MACROD2: variants seen among roughly 807,000 people sequenced by gnomAD.
The protein encoded by MACROD2 is ADP-ribose glycohydrolase MACROD2.
A neutral mutation model predicts 70.4 loss-of-function variants in MACROD2; 36 were observed. The observed-to-expected ratio is 0.51, with a 90% CI of 0.39 to 0.68. The LOEUF (loss-of-function observed/expected upper bound fraction) is 0.68. Among genes scored for constraint, MACROD2 ranks in the 30% least tolerant of loss-of-function variants. The pLI, the probability that MACROD2 is intolerant of heterozygous loss-of-function variation, is 0.00. For synonymous variants in MACROD2, 172 were observed against 178.8 expected, an observed-to-expected ratio of 0.96 and a Z score of 0.30; for missense variants, 496 against 538.4, an observed-to-expected ratio of 0.92 and a Z score of 0.78.
rs1555804353 is a variant in MACROD2, at chr20:15,321,088, T to TGC, written c.540+91027_540+91028insGC. 2.2e-3 allele frequency among the ~76,000 whole-genome samples: 319 copies of TGC among 146,900 alleles called. 2 individuals are homozygous for TGC. The highest frequency in any genetic ancestry group is 5.0e-3 in the South Asian group (23 of 4,580). On this transcript the variant is annotated intron_variant, in intron 6 of 17. Coordinates refer to ENST00000684519, the MANE Select transcript of MACROD2 (RefSeq NM_001351661.2). ...CCCTGGCAGCTTCTGCAAAGTTGTT[T>TGC]CAAAATGCATGCCATCCTGATGACA...
At chr20:14,271,216 C>A (rs1229990852) in intron 3 of MACROD2, among the ~76,000 whole-genome samples, 1 of 152,184 alleles carries the variant, frequency 6.6e-6, no homozygotes, top group Non-Finnish European at 1.5e-5. Flanking sequence ...CCCCTGACCC[C>A]CGAGCAGCCT....
intron 2 of MACROD2, among the ~76,000 whole-genome samples, chr20:14,070,928 A>G (rs573772485): frequency 6.6e-6 from 1 of 152,236 alleles, no homozygotes; most frequent in South Asian, 2.1e-4. Context: ...AGATCATCAA[A>G]TCTGGCTAAA....
chr20:14,661,134 T>C (rs2123534207), intron 4 of MACROD2, among the ~76,000 whole-genome samples: 1 of 152,210 alleles, frequency 6.6e-6, no homozygotes, highest in African/African-American at 2.4e-5. Flanking sequence ...CAAATGGCTT[T>C]CTACAGGGGC....
At chr20:14,840,847 T>A (rs73266744) in intron 5 of MACROD2, among the ~76,000 whole-genome samples, 75 of 152,198 alleles carry the variant, frequency 4.9e-4, no homozygotes, top group African/African-American at 1.7e-3. Context: ...GGTTTCAGGA[T>A]GAAAAATGGA....
intron 3 of MACROD2, among the ~76,000 whole-genome samples, chr20:14,299,104 A>G (rs1209856832): frequency 1.3e-5 from 2 of 152,194 alleles, no homozygotes; most frequent in Non-Finnish European, 2.9e-5. Context: ...GTGAAATGCT[A>G]TCAAACAGCA....
intron 3 of MACROD2, among the ~76,000 whole-genome samples, chr20:14,116,322 G>T (rs1428145582): frequency 6.6e-6 from 1 of 152,162 alleles, no homozygotes; most frequent in African/African-American, 2.4e-5. Context: ...CTTTCTGAGG[G>T]CAGAGACTGC....
chr20:15,289,378 A>G (rs1670719817), intron 6 of MACROD2, among the ~76,000 whole-genome samples: 1 of 152,260 alleles, frequency 6.6e-6, no homozygotes, highest in African/African-American at 2.4e-5. Flanking sequence ...AGAAACATAT[A>G]TAATGCAATG....
intron 8 of MACROD2, among the ~76,000 whole-genome samples, chr20:15,637,687 G>A (rs1374946010): frequency 2.0e-5 from 3 of 152,216 alleles, no homozygotes; most frequent in Non-Finnish European, 4.4e-5. Flanking sequence ...TTAGGGATCA[G>A]CACCTTCTGT....
At chr20:14,927,498 G>T (rs1256440641) in intron 5 of MACROD2, among the ~76,000 whole-genome samples, 1 of 152,170 alleles carries the variant, frequency 6.6e-6, no homozygotes. Flanking sequence ...ATACTCTGCC[G>T]CCATGCTTTC....
chr20:14,671,194 T>G (rs2070790702), intron 4 of MACROD2, among the ~76,000 whole-genome samples: 1 of 152,182 alleles, frequency 6.6e-6, no homozygotes, highest in African/African-American at 2.4e-5. Flanking sequence ...TTTCTTTGAT[T>G]TAGAATTTCT....
chr20:14,998,776 G>A (rs2074970735), intron 5 of MACROD2, among the ~76,000 whole-genome samples: 1 of 152,160 alleles, frequency 6.6e-6, no homozygotes, highest in South Asian at 2.1e-4. Context: ...GCAAGTACAA[G>A]AAGGTTATAG....
At chr20:14,977,048 T>G (rs940387557) in intron 5 of MACROD2, among the ~76,000 whole-genome samples, 4 of 152,300 alleles carry the variant, frequency 2.6e-5, no homozygotes, top group African/African-American at 7.2e-5. Context: ...TGTCACTTCT[T>G]GGCTGATAGA....
chr20:14,521,691 A>G (rs1381568321), intron 4 of MACROD2, among the ~76,000 whole-genome samples: 1 of 151,970 alleles, frequency 6.6e-6, no homozygotes, highest in Non-Finnish European at 1.5e-5. Flanking sequence ...AGTTCTTTTT[A>G]TATTTGTTTT....
At chr20:15,656,498 TAGGGCCTAATGGCTG>T (rs1013734707) in intron 8 of MACROD2, among the ~76,000 whole-genome samples, 1 of 152,232 alleles carries the variant, frequency 6.6e-6, no homozygotes, top group Non-Finnish European at 1.5e-5. Flanking sequence ...ATTGCTTTTC[TAGGGCCTAATGGCTG>T]AGCCCTATCT....
intron 13 of MACROD2, among the ~76,000 whole-genome samples, chr20:15,979,474 A>G (rs1054350226): frequency 6.6e-6 from 1 of 152,172 alleles, no homozygotes; most frequent in African/African-American, 2.4e-5. Context: ...TGTCACAGAC[A>G]GGGAAATATA....
At chr20:14,310,696 T>G (rs1284863572) in intron 3 of MACROD2, among the ~76,000 whole-genome samples, 2 of 152,192 alleles carry the variant, frequency 1.3e-5, no homozygotes, top group Non-Finnish European at 2.9e-5. Context: ...GAAGAAGGCA[T>G]TGTTGTCATA....
intron 6 of MACROD2, among the ~76,000 whole-genome samples, chr20:15,283,687 A>G (rs996662100): frequency 6.6e-6 from 1 of 152,126 alleles, no homozygotes; most frequent in Admixed American, 6.5e-5. Flanking sequence ...CAAACAAACA[A>G]AAAACAAACA....
At chr20:15,424,310 A>G (rs190725937) in intron 6 of MACROD2, among the ~76,000 whole-genome samples, 60 of 152,348 alleles carry the variant, frequency 3.9e-4, no homozygotes, top group Admixed American at 2.0e-3. Context: ...ACCTCAAAAT[A>G]TCTTTCATAC....
intron 3 of MACROD2, among the ~76,000 whole-genome samples, chr20:14,289,087 A>G (rs749907568): frequency 2.0e-5 from 3 of 152,186 alleles, no homozygotes; most frequent in Non-Finnish European, 4.4e-5. Flanking sequence ...GAGGACTCAG[A>G]GAATTGCTCT....
Sources: gnomAD v4.1 joint callset for allele counts (sites outside exome capture counted in the v4.1 genomes callset) on GRCh38, gnomAD v4.1.1 for gene constraint, MANE v1.5 for transcripts, NCBI Gene and HGNC (gene_info 2026-07-23, HGNC 2026-07-21) for gene names.